MAP4K4: variants seen among roughly 807,000 people sequenced by gnomAD.
The protein encoded by MAP4K4 is HPK/GCK-like kinase HGK.
In MAP4K4, 38 loss-of-function variants were observed where a neutral mutation model predicts 189.6. That is an observed-to-expected ratio of 0.20 (90% CI 0.15 to 0.26). The LOEUF (loss-of-function observed/expected upper bound fraction) is 0.26, where lower values mean the gene tolerates loss of function less well. Ranked by LOEUF, MAP4K4 falls within the 10% of genes least tolerant of loss-of-function variation. MAP4K4 has a pLI of 1.00. For synonymous variants in MAP4K4, 610 were observed against 624.3 expected, an observed-to-expected ratio of 0.98 and a Z score of 0.34; for missense variants, 1,054 against 1,726.9, an observed-to-expected ratio of 0.61 and a Z score of 6.91.
At chr2:101,796,968 C>T (rs2093761586) in intron 3 of MAP4K4, among the ~76,000 whole-genome samples, 1 of 152,226 alleles carries the variant, frequency 6.6e-6, no homozygotes, top group Non-Finnish European at 1.5e-5. Flanking sequence ...ATATATGTCA[C>T]TTCTGATGGA....
chr2:101,860,255 A>G (rs1448362357), intron 15 of MAP4K4: 7 of 303,004 alleles, frequency 2.3e-5, no homozygotes, highest in South Asian at 1.3e-4. Flanking sequence ...AGATGTCAAG[A>G]TGCCCTGCTA....
At chr2:101,779,002 G>C (rs796708009) in intron 2 of MAP4K4, among the ~76,000 whole-genome samples, 4 of 152,054 alleles carry the variant, frequency 2.6e-5, no homozygotes, top group African/African-American at 7.2e-5. Context: ...CTGTAAAATA[G>C]GGATGTTTTT....
At chr2:101,754,378 A>G (rs1226502029) in intron 2 of MAP4K4, among the ~76,000 whole-genome samples, 2 of 121,460 alleles carry the variant, frequency 1.6e-5, no homozygotes, top group Non-Finnish European at 3.2e-5. Context: ...GAGAGATGGA[A>G]TCTTGCTCTG....
chr2:101,758,349 A>G (rs748517239), intron 2 of MAP4K4, among the ~76,000 whole-genome samples: 7 of 152,070 alleles, frequency 4.6e-5, no homozygotes, highest in Non-Finnish European at 7.4e-5. Flanking sequence ...GCGTTGTGTT[A>G]CTCTCTGTTT....
intron 29 of MAP4K4, among the ~76,000 whole-genome samples, chr2:101,886,590 A>G (rs1233204396): frequency 1.3e-5 from 2 of 152,216 alleles, no homozygotes; most frequent in African/African-American, 4.8e-5. Flanking sequence ...GATTTGGAAC[A>G]TATCTTCTGG....
At chr2:101,867,733 A>T (rs924449542) in intron 20 of MAP4K4, 1 of 433,628 alleles carries the variant, frequency 2.3e-6, no homozygotes, top group African/African-American at 2.0e-5. Context: ...TGGCTTTTAG[A>T]CTAAGTTTTT....
At chr2:101,860,277 T>C in intron 15 of MAP4K4, 1 of 275,164 alleles carries the variant, frequency 3.6e-6, no homozygotes, top group Non-Finnish European at 7.2e-6. Flanking sequence ...ATTGGTGCAT[T>C]AGGGTTACCC....
At chr2:101,809,192 T>C (rs1362778944) in intron 3 of MAP4K4, among the ~76,000 whole-genome samples, 2 of 152,232 alleles carry the variant, frequency 1.3e-5, no homozygotes, top group African/African-American at 2.4e-5. Context: ...AACTTTGAGC[T>C]TGTATATAGC....
chr2:101,795,105 T>C (rs1186838333), intron 3 of MAP4K4, among the ~76,000 whole-genome samples: 1 of 152,308 alleles, frequency 6.6e-6, no homozygotes, highest in East Asian at 1.9e-4. Context: ...CTTCCCATTA[T>C]TAGTGAAGCC....
At chr2:101,748,094 C>A in intron 2 of MAP4K4, among the ~76,000 whole-genome samples, 1 of 152,094 alleles carries the variant, frequency 6.6e-6, no homozygotes, top group East Asian at 1.9e-4. Context: ...GAGGAGTAGC[C>A]ACAACTCCAG....
At chr2:101,835,634 T>TA (rs1248774978) in intron 8 of MAP4K4, among the ~76,000 whole-genome samples, 2 of 152,262 alleles carry the variant, frequency 1.3e-5, no homozygotes, top group African/African-American at 2.4e-5. Context: ...TGTTAGTTCC[T>TA]ATAAGACTTA....
intron 2 of MAP4K4, among the ~76,000 whole-genome samples, chr2:101,777,832 C>T (rs761766363): frequency 1.3e-5 from 2 of 152,162 alleles, no homozygotes; most frequent in Non-Finnish European, 2.9e-5. Context: ...ATGTTGGCCT[C>T]AGAATCATGA....
chr2:101,803,240 T>C (rs1276192073), intron 3 of MAP4K4, among the ~76,000 whole-genome samples: 1 of 122,190 alleles, frequency 8.2e-6, no homozygotes, highest in African/African-American at 3.6e-5. Context: ...TTGATGATGA[T>C]GATGATGTGT....
In MAP4K4 at chr2:101,890,731, A is replaced by G. The variant is rs1229503236; in HGVS notation, c.4072-435A>G. Among the ~76,000 whole-genome samples the G allele has an allele frequency of 3.3e-5, 5 of 152,070 alleles. No homozygotes were observed. The East Asian group carries it at 7.8e-4, about 24-fold the overall frequency. The stretch of plus-strand genomic sequence containing the variant: ...CGGCCTCCCAAAGTGCTGGGATTAC[A>G]GGCATGAGCCACCATGCCCAGCCTT... On this transcript the variant is annotated intron_variant, in intron 32 of 32. Coordinates refer to ENST00000324219, the Ensembl canonical transcript of MAP4K4.
At chr2:101,780,322 T>A (rs2086696314) in intron 2 of MAP4K4, among the ~76,000 whole-genome samples, 1 of 152,160 alleles carries the variant, frequency 6.6e-6, no homozygotes, top group Non-Finnish European at 1.5e-5. Context: ...TCTAAGCCAA[T>A]GAGAAGAGTT....
At chr2:101,799,853 T>C (rs2094195779) in intron 3 of MAP4K4, among the ~76,000 whole-genome samples, 1 of 152,184 alleles carries the variant, frequency 6.6e-6, no homozygotes, top group African/African-American at 2.4e-5. Context: ...TCTTCCTGCC[T>C]TGGCCATCCC....
intron 2 of MAP4K4, among the ~76,000 whole-genome samples, chr2:101,735,107 G>T (rs1292972527): frequency 6.6e-6 from 1 of 152,162 alleles, no homozygotes; most frequent in African/African-American, 2.4e-5. Context: ...CCTTGATTAA[G>T]AGGCTTAATA....
chr2:101,852,851 A>AG (rs2097330193), intron 12 of MAP4K4, among the ~76,000 whole-genome samples: 1 of 152,140 alleles, frequency 6.6e-6, no homozygotes, highest in Admixed American at 6.5e-5. Flanking sequence ...AGGGGAAAAA[A>AG]CTGAGTATGT....
intron 2 of MAP4K4, among the ~76,000 whole-genome samples, chr2:101,758,855 C>A (rs982958522): frequency 6.6e-6 from 1 of 151,986 alleles, no homozygotes. Context: ...GGTTGCTGGC[C>A]GGGCGCGGTG....
Sources: allele counts gnomAD v4.1 joint callset (sites outside exome capture counted in the v4.1 genomes callset), GRCh38; gene constraint gnomAD v4.1.1; transcripts MANE v1.5; gene names NCBI Gene and HGNC (gene_info 2026-07-23, HGNC 2026-07-21).